SYT1: variants seen among roughly 807,000 people sequenced by gnomAD.
SYT1 encodes synaptotagmin-1.
SYT1 carries 8 observed loss-of-function variants against 44.8 expected under a neutral mutation model. The observed-to-expected ratio is 0.18, with a 90% CI of 0.10 to 0.32. SYT1 has a LOEUF of 0.32. SYT1 is among the 10% of genes least tolerant of loss of function. SYT1 has a pLI of 1.00. For synonymous variants in SYT1, 154 were observed against 188.8 expected (o/e 0.82, Z 1.51); for missense variants, 286 against 509.3 (o/e 0.56, Z 4.22).
intron 3 of SYT1, among the ~76,000 whole-genome samples, chr12:79,054,706 C>A (rs2137810962): frequency 6.6e-6 from 1 of 151,894 alleles, no homozygotes; most frequent in Non-Finnish European, 1.5e-5. Flanking sequence ...AGTATAGTCT[C>A]TGTCATCAAG....
At chr12:79,179,029 TATATAGATATAG>T (rs1202280753) in intron 3 of SYT1, among the ~76,000 whole-genome samples, 2 of 16,828 alleles carry the variant, frequency 1.2e-4, no homozygotes, top group African/African-American at 1.2e-3. Context: ...TAGATATAGA[TATATAGATATAG>T]ATATAGATAT....
intron 9 of SYT1, among the ~76,000 whole-genome samples, chr12:79,405,160 G>A (rs1885200345): frequency 6.6e-6 from 1 of 152,128 alleles, no homozygotes; most frequent in Admixed American, 6.6e-5. Flanking sequence ...TAAAGTATTG[G>A]AGATATCTGA....
chr12:79,325,244 C>T (rs896052970), intron 8 of SYT1, among the ~76,000 whole-genome samples: 2 of 152,168 alleles, frequency 1.3e-5, no homozygotes, highest in Non-Finnish European at 2.9e-5. Flanking sequence ...CTCTGGCTAG[C>T]CTACCAGAAG....
At chr12:78,900,572 T>G (rs1225142032) in intron 1 of SYT1, among the ~76,000 whole-genome samples, 1 of 151,864 alleles carries the variant, frequency 6.6e-6, no homozygotes, top group Non-Finnish European at 1.5e-5. Context: ...GGGAGAGAGC[T>G]GATCTCGGTG....
chr12:78,930,636 G>C (rs1877580846), intron 1 of SYT1, among the ~76,000 whole-genome samples: 1 of 151,044 alleles, frequency 6.6e-6, no homozygotes, highest in South Asian at 2.1e-4. Flanking sequence ...TATTTTTAAA[G>C]ATTTTCACCA....
At chr12:78,942,163 T>A (rs1000257974) in intron 1 of SYT1, among the ~76,000 whole-genome samples, 1 of 152,188 alleles carries the variant, frequency 6.6e-6, no homozygotes, top group Admixed American at 6.5e-5. Flanking sequence ...CTTATTAAAA[T>A]CTCTCTCTCC....
At chr12:79,084,958 G>A (rs947730461) in intron 3 of SYT1, among the ~76,000 whole-genome samples, 2 of 151,738 alleles carry the variant, frequency 1.3e-5, no homozygotes, top group South Asian at 4.2e-4. Flanking sequence ...GGATATCTTG[G>A]GTTTGGGACC....
intron 9 of SYT1, among the ~76,000 whole-genome samples, chr12:79,415,958 G>A (rs955899027): frequency 6.6e-6 from 1 of 152,178 alleles, no homozygotes; most frequent in Non-Finnish European, 1.5e-5. Flanking sequence ...TACATGTTCA[G>A]CTTTCTCTGA....
intron 8 of SYT1, among the ~76,000 whole-genome samples, chr12:79,329,816 C>T (rs1479423819): frequency 2.6e-5 from 4 of 152,206 alleles, no homozygotes; most frequent in Non-Finnish European, 5.9e-5. Context: ...TACACTGTAT[C>T]CATTGACCTT....
At chr12:79,407,802 T>C (rs755922695) in intron 9 of SYT1, among the ~76,000 whole-genome samples, 75 of 152,010 alleles carry the variant, frequency 4.9e-4, no homozygotes, top group African/African-American at 1.8e-3. Flanking sequence ...AGTTTTAGAG[T>C]GGATGTGGCT....
intron 4 of SYT1, among the ~76,000 whole-genome samples, chr12:79,279,648 T>C (rs11113435): frequency 0.34 from 52,166 of 151,862 alleles, 9,344 homozygotes; most frequent in East Asian, 0.59. Flanking sequence ...CTGGAGGTCT[T>C]AGCCAGAACA....
At chr12:79,113,829 T>C (rs948754411) in intron 3 of SYT1, among the ~76,000 whole-genome samples, 2 of 152,128 alleles carry the variant, frequency 1.3e-5, no homozygotes, top group African/African-American at 4.8e-5. Context: ...CTCAACCCAA[T>C]AGGTGTTCAA....
chr12:79,071,223 G>A (rs1000901665), intron 3 of SYT1, among the ~76,000 whole-genome samples: 1 of 152,098 alleles, frequency 6.6e-6, no homozygotes, highest in African/African-American at 2.4e-5. Context: ...GGCTGGAAGT[G>A]TACAGAAATC....
intron 2 of SYT1, among the ~76,000 whole-genome samples, chr12:79,040,702 C>A (rs1206687626): frequency 6.6e-6 from 1 of 152,130 alleles, no homozygotes; most frequent in Non-Finnish European, 1.5e-5. Flanking sequence ...CTTGCCCATG[C>A]CTATGTACTG....
intron 2 of SYT1, among the ~76,000 whole-genome samples, chr12:79,003,417 G>C (rs1870871443): frequency 6.6e-6 from 1 of 151,892 alleles, no homozygotes; most frequent in Admixed American, 6.6e-5. Context: ...GTCAACATTA[G>C]CAATATTGCA....
At chr12:79,395,628 TCTC>T (rs1252056338) in intron 9 of SYT1, among the ~76,000 whole-genome samples, 1 of 151,850 alleles carries the variant, frequency 6.6e-6, no homozygotes, top group Non-Finnish European at 1.5e-5. Context: ...ATCAAGCAAA[TCTC>T]CTGCCTTGGC....
intron 9 of SYT1, among the ~76,000 whole-genome samples, chr12:79,425,540 C>T (rs537651724): frequency 3.0e-4 from 45 of 152,080 alleles, no homozygotes; most frequent in Non-Finnish European, 5.6e-4. Flanking sequence ...GAACTGAGGG[C>T]AAATATCAAA....
At chr12:79,386,928 A>G (rs908625220) in intron 9 of SYT1, among the ~76,000 whole-genome samples, 4 of 152,136 alleles carry the variant, frequency 2.6e-5, no homozygotes, top group Admixed American at 2.0e-4. Flanking sequence ...ATTCACATAT[A>G]TGAAAGACAT....
At position 79,064,936 on chromosome 12, in the gene SYT1, G is replaced by GAAAA. The variant is rs201007856; in HGVS notation, c.-18+17577_-18+17578insAAAA. 1.4e-3 allele frequency among the ~76,000 whole-genome samples: 138 copies of GAAAA among 101,986 alleles called. 4 individuals are homozygous for GAAAA. The East Asian group carries it at 0.031, about 23-fold the overall frequency. The allele number at this position is 101,986 out of a possible 152,430, so 66.9% of individuals were successfully genotyped here. A position where few individuals can be genotyped will look rare whatever the true frequency, so the allele number is the denominator to read the frequency against. ...AGACAAAAAAATAGAGAGAAAGAAA[G>GAAAA]AAAGAAAGAAAGAAAGAAAGAAAGA... On this transcript the variant is annotated intron_variant, in intron 3 of 10. Transcript: ENST00000261205.
Sources: allele counts gnomAD v4.1 joint callset (sites outside exome capture counted in the v4.1 genomes callset), GRCh38; gene constraint gnomAD v4.1.1; transcripts MANE v1.5; gene names NCBI Gene and HGNC (gene_info 2026-07-23, HGNC 2026-07-21).